ADARB2: variants seen among roughly 807,000 people sequenced by gnomAD.
ADARB2 encodes the protein inactive double-stranded RNA-specific editase B2.
A neutral mutation model predicts 62.2 loss-of-function variants in ADARB2; 25 were observed. The ratio of observed to expected loss-of-function variants is 0.40; its 90% CI spans 0.29 to 0.56. ADARB2 has a LOEUF of 0.56. Ranked by LOEUF, ADARB2 falls within the 20% of genes least tolerant of loss-of-function variation. The probability of loss-of-function intolerance (pLI) is 0.43; values close to 1 mark genes in which losing one functional copy is unlikely to be tolerated. For missense variants in ADARB2, 1,071 were observed against 1,077.4 expected, an observed-to-expected ratio of 0.99 and a Z score of 0.08; for synonymous variants, 572 against 500.8, an observed-to-expected ratio of 1.14 and a Z score of -1.90.
chr10:1,628,486 C>T (rs1446510949), intron 1 of ADARB2, among the ~76,000 whole-genome samples: 1 of 152,214 alleles, frequency 6.6e-6, no homozygotes, highest in Admixed American at 6.5e-5. Context: ...GAGAATGACA[C>T]AGATATTAAA....
At chr10:1,514,330 C>A (rs1831981599) in intron 1 of ADARB2, among the ~76,000 whole-genome samples, 1 of 151,582 alleles carries the variant, frequency 6.6e-6, no homozygotes, top group Non-Finnish European at 1.5e-5. Flanking sequence ...CAGTAAACCA[C>A]ACACTTCCAC....
chr10:1,631,000 TGAAA>T (rs1236146542), intron 1 of ADARB2, among the ~76,000 whole-genome samples: 28 of 149,736 alleles, frequency 1.9e-4, no homozygotes, highest in Admixed American at 9.3e-4. Context: ...AACAAATAAA[TGAAA>T]GAAAGAAAAA....
chr10:1,480,862 G>A (rs1022708077), intron 1 of ADARB2, among the ~76,000 whole-genome samples: 2 of 152,162 alleles, frequency 1.3e-5, no homozygotes, highest in African/African-American at 2.4e-5. Flanking sequence ...TGATTGGAAG[G>A]CTTAATATTA....
At chr10:1,306,853 T>C (rs1831634791) in intron 3 of ADARB2, among the ~76,000 whole-genome samples, 1 of 151,228 alleles carries the variant, frequency 6.6e-6, no homozygotes, top group Admixed American at 6.6e-5. Context: ...ATTTAATAAA[T>C]GGTGCTGGGA....
chr10:1,607,747 A>G (rs1267970537), intron 1 of ADARB2, among the ~76,000 whole-genome samples: 1 of 152,224 alleles, frequency 6.6e-6, no homozygotes, highest in Non-Finnish European at 1.5e-5. Context: ...TTCTGACTCC[A>G]GGAGGCATCC....
intron 1 of ADARB2, among the ~76,000 whole-genome samples, chr10:1,440,124 G>A (rs191010056): frequency 6.7e-6 from 1 of 148,730 alleles, no homozygotes; most frequent in East Asian, 2.0e-4. Context: ...TCATGATGGG[G>A]CTCCTGAGTC....
intron 1 of ADARB2, among the ~76,000 whole-genome samples, chr10:1,559,636 G>A (rs1010898369): frequency 6.6e-6 from 1 of 152,210 alleles, no homozygotes; most frequent in Non-Finnish European, 1.5e-5. Flanking sequence ...GTGGTGCTGA[G>A]GTCAGCGGTG....
intron 3 of ADARB2, among the ~76,000 whole-genome samples, chr10:1,349,832 G>T (rs1832117842): frequency 1.3e-5 from 2 of 152,132 alleles, no homozygotes; most frequent in African/African-American, 2.4e-5. Context: ...TTCCACTGAT[G>T]TCTGATCTCC....
chr10:1,572,042 G>T (rs1371652467), intron 1 of ADARB2, among the ~76,000 whole-genome samples: 1 of 146,832 alleles, frequency 6.8e-6, no homozygotes, highest in Non-Finnish European at 1.5e-5. Context: ...TGAGTGTGCA[G>T]GTGAGTGGAC....
chr10:1,581,824 AGATGTGTGTG>A (rs1198836404), intron 1 of ADARB2, among the ~76,000 whole-genome samples: 3 of 52,976 alleles, frequency 5.7e-5, no homozygotes, highest in East Asian at 8.9e-4. Flanking sequence ...ACTTAGAAAT[AGATGTGTGTG>A]TGTGTGTGTG....
At chr10:1,354,515 C>T (rs545912257) in intron 3 of ADARB2, among the ~76,000 whole-genome samples, 342 of 152,172 alleles carry the variant, frequency 2.2e-3, no homozygotes, top group African/African-American at 7.9e-3. Flanking sequence ...GTGAAATAAA[C>T]GGCCTTGTTG....
intron 3 of ADARB2, chr10:1,361,313 AG>A (rs1440919115): frequency 6.6e-6 from 1 of 152,216 alleles, no homozygotes; most frequent in African/African-American, 2.4e-5. Flanking sequence ...GTAAATAAGA[AG>A]GAGGTGTAAG....
intron 1 of ADARB2, chr10:1,678,170 G>A (rs2119114286): frequency 5.1e-6 from 5 of 985,420 alleles, no homozygotes; most frequent in South Asian, 4.7e-5. Flanking sequence ...CGGTCACCCA[G>A]CAAATGCCCA....
chr10:1,482,998 T>A (rs1366995787), intron 1 of ADARB2, among the ~76,000 whole-genome samples: 1 of 152,226 alleles, frequency 6.6e-6, no homozygotes, highest in Non-Finnish European at 1.5e-5. Context: ...AGTGAAATTA[T>A]GTTTTTATTT....
chr10:1,408,441 A>G (rs959717633), intron 1 of ADARB2, among the ~76,000 whole-genome samples: 1 of 152,182 alleles, frequency 6.6e-6, no homozygotes, highest in African/African-American at 2.4e-5. Context: ...ATCTATGATG[A>G]TCTTTCAGTT....
At chr10:1,335,915 G>A (rs1831971512) in intron 3 of ADARB2, among the ~76,000 whole-genome samples, 1 of 152,196 alleles carries the variant, frequency 6.6e-6, no homozygotes, top group Admixed American at 6.5e-5. Flanking sequence ...ATTTGGAATT[G>A]AATAGTGCTA....
intron 4 of ADARB2, among the ~76,000 whole-genome samples, chr10:1,267,288 C>T (rs1392767710): frequency 1.3e-5 from 2 of 152,220 alleles, no homozygotes; most frequent in East Asian, 3.9e-4. Flanking sequence ...CTTAGAATTC[C>T]CCCCTGGGAA....
intron 4 of ADARB2, among the ~76,000 whole-genome samples, chr10:1,262,970 T>C (rs886184227): frequency 2.0e-5 from 3 of 152,116 alleles, no homozygotes; most frequent in Non-Finnish European, 4.4e-5. Flanking sequence ...GATAAGTCTA[T>C]GTCCTTTGTA....
intron 7 of ADARB2, among the ~76,000 whole-genome samples, chr10:1,205,572 A>G (rs540730844): frequency 4.1e-4 from 63 of 152,340 alleles, no homozygotes; most frequent in Non-Finnish European, 8.4e-4. Context: ...TGCGGTCCGA[A>G]TGCTTGTGTT....
Sources: allele counts gnomAD v4.1 joint callset (sites outside exome capture counted in the v4.1 genomes callset), GRCh38; gene constraint gnomAD v4.1.1; transcripts MANE v1.5; gene names NCBI Gene and HGNC (gene_info 2026-07-23, HGNC 2026-07-21).